AHCYL1: variants seen among roughly 807,000 people sequenced by gnomAD.
AHCYL1 encodes S-adenosylhomocysteine hydrolase-like protein 1.
Under a neutral mutation model 79.3 loss-of-function variants are expected in AHCYL1, and 20 were observed. The ratio of observed to expected loss-of-function variants is 0.25; its 90% CI spans 0.18 to 0.37. The LOEUF (loss-of-function observed/expected upper bound fraction) is 0.37, where lower values mean the gene tolerates loss of function less well. Among genes scored for constraint, AHCYL1 ranks in the 10% least tolerant of loss-of-function variants. The pLI, the probability that AHCYL1 is intolerant of heterozygous loss-of-function variation, is 1.00. For synonymous variants in AHCYL1, 223 were observed against 242.2 expected, an observed-to-expected ratio of 0.92 and a Z score of 0.74; for missense variants, 330 against 673.6, an observed-to-expected ratio of 0.49 and a Z score of 5.65.
chr1:109,998,768 G>A (rs1434259911), intron 1 of AHCYL1, among the ~76,000 whole-genome samples: 2 of 152,180 alleles, frequency 1.3e-5, no homozygotes, highest in African/African-American at 2.4e-5. Context: ...GTGGGCCACC[G>A]AGCCTGGCCA....
At chr1:109,994,552 G>A (rs1351192510) in intron 1 of AHCYL1, among the ~76,000 whole-genome samples, 1 of 152,186 alleles carries the variant, frequency 6.6e-6, no homozygotes, top group African/African-American at 2.4e-5. Flanking sequence ...GCCTCCCAAA[G>A]TGTTGGGATT....
At chr1:109,986,484 ATTAACT>A (rs1267453082) in intron 1 of AHCYL1, among the ~76,000 whole-genome samples, 1 of 152,216 alleles carries the variant, frequency 6.6e-6, no homozygotes, top group African/African-American at 2.4e-5. Flanking sequence ...GAGGCATCTG[ATTAACT>A]TTAGTGCTGA....
intron 16 of AHCYL1, among the ~76,000 whole-genome samples, chr1:110,021,364 C>CTTTGG: frequency 6.6e-6 from 1 of 152,286 alleles, no homozygotes; most frequent in East Asian, 1.9e-4. Context: ...CTAAGAGATT[C>CTTTGG]TGATATATTT....
intron 4 of AHCYL1, among the ~76,000 whole-genome samples, chr1:110,012,668 T>C (rs1651114333): frequency 6.6e-6 from 1 of 152,160 alleles, no homozygotes; most frequent in African/African-American, 2.4e-5. Context: ...AAAGTCTAGA[T>C]TTGCAAACAT....
At chr1:110,013,395 T>A (rs974033691) in intron 5 of AHCYL1, among the ~76,000 whole-genome samples, 1 of 152,230 alleles carries the variant, frequency 6.6e-6, no homozygotes, top group Non-Finnish European at 1.5e-5. Context: ...ATTTGTGAGT[T>A]TAATTAAACG....
In AHCYL1 at chr1:110,017,810, T is replaced by C. The variant is rs567150035; in HGVS notation, c.1053-136T>C. 17 of 971,876 alleles carry C rather than the reference T, an allele frequency of 1.7e-5. No homozygotes were observed. The African/African-American group carries it at 2.8e-4, about 16-fold the overall frequency. 60.2% of individuals were successfully genotyped at this position (971,876 alleles called of 1,614,324 possible). A position where few individuals can be genotyped will look rare whatever the true frequency, so the allele number is the denominator to read the frequency against. On this transcript the variant is annotated intron_variant, in intron 10 of 16. Transcript: ENST00000369799. ...TCTGAAGAGGCCAGTGTATATAGTT[T>C]AGCAGAGCTTATCACTCACCATTCC...
intron 9 of AHCYL1, 56 bp downstream of exon 9, chr1:110,016,786 G>C (rs1651447901): frequency 6.2e-7 from 1 of 1,602,252 alleles, no homozygotes; most frequent in Non-Finnish European, 8.5e-7. Flanking sequence ...AGAAATATTG[G>C]GTAAAGGAGG....
At position 110,021,775 on chromosome 1, in the gene AHCYL1, T is replaced by C; in HGVS notation, c.*95T>C. ...TTATTTTCTTCTTACTCCTTTCCTC[T>C]TGATTTTTTTCCTATAATTTCATTC... On this transcript the variant is annotated 3_prime_UTR_variant, in exon 17 of 17. Coordinates refer to ENST00000369799, the MANE Select transcript of AHCYL1 (RefSeq NM_006621.7). 1 of 1,351,592 alleles carries C rather than the reference T, an allele frequency of 7.4e-7. No individual in the cohort carries two copies. Among genetic ancestry groups the C allele is most frequent in the Non-Finnish European group, 1.0e-6 (1 of 969,592 alleles). 83.7% of individuals were successfully genotyped at this position (1,351,592 alleles called of 1,614,324 possible). A position where few individuals can be genotyped will look rare whatever the true frequency, so the allele number is the denominator to read the frequency against.
In AHCYL1 at chr1:110,009,030, A is replaced by G. The variant is rs1424373448; in HGVS notation, c.121-4A>G. 7 of 1,607,702 alleles carry G rather than the reference A, an allele frequency of 4.4e-6. No homozygotes were observed. The highest frequency in any genetic ancestry group is 5.1e-6 in the Non-Finnish European group (6 of 1,175,102). On this transcript the variant is annotated splice_region_variant and splice_polypyrimidine_tract_variant and intron_variant, in intron 1 of 16. Transcript: ENST00000369799. ...TTTCAACTTTTTGTCTTCCTTTTGT[A>G]TAGCAAATCCAGTTTGCTGATGACA... is the stretch of plus-strand genomic sequence containing the variant.
Position 110,018,109 on chromosome 1 carries a change from C to A in AHCYL1, c.1123+93C>A, listed in dbSNP as rs1272594642. The A allele has an allele frequency of 2.2e-6, 3 of 1,350,244 alleles. No individual in the cohort carries two copies. In the African/African-American group the frequency reaches 4.3e-5, roughly 19 times the overall value. 83.6% of individuals were successfully genotyped at this position (1,350,244 alleles called of 1,614,324 possible). A position where few individuals can be genotyped will look rare whatever the true frequency, so the allele number is the denominator to read the frequency against. ...ATACAAAGGAGGTGAGACCTCTGTT[C>A]AGTATAAAGGTCTCAGAACTAGAAT... On this transcript the variant is annotated intron_variant, in intron 11 of 16. Transcript: ENST00000369799.
intron 1 of AHCYL1, 143 bp from the exon 2 acceptor site, chr1:110,008,891 C>G: frequency 7.0e-6 from 4 of 575,100 alleles, no homozygotes; most frequent in South Asian, 5.9e-5. Context: ...CGGCCTTCCC[C>G]CATTTCTGGT....
chr1:109,994,431 T>C (rs1002946093), intron 1 of AHCYL1, among the ~76,000 whole-genome samples: 2 of 151,746 alleles, frequency 1.3e-5, no homozygotes, highest in Non-Finnish European at 2.9e-5. Context: ...CCTGGCTAAA[T>C]TTTTTTTGGT....
At chr1:109,996,428 C>T (rs183311386) in intron 1 of AHCYL1, among the ~76,000 whole-genome samples, 66 of 152,304 alleles carry the variant, frequency 4.3e-4, no homozygotes, top group Non-Finnish European at 8.2e-4. Flanking sequence ...TAGGGTGCAT[C>T]AGTGAACAAA....
chr1:110,017,768 G>A (rs1242848580), intron 10 of AHCYL1, among the ~76,000 whole-genome samples, 178 bp from the exon 11 acceptor site: 1 of 152,138 alleles, frequency 6.6e-6, no homozygotes, highest in Admixed American at 6.5e-5. Context: ...TTCCTTCCTA[G>A]AGGGAGTCTT....
intron 16 of AHCYL1, 66 bp from the exon 17 acceptor site, chr1:110,021,608 C>G: frequency 6.4e-7 from 1 of 1,553,138 alleles, no homozygotes; most frequent in Non-Finnish European, 8.8e-7. Flanking sequence ...GCTCTGTTTC[C>G]GATTGTTTTT....
At chr1:109,996,813 A>C (rs948453092) in intron 1 of AHCYL1, among the ~76,000 whole-genome samples, 2 of 152,198 alleles carry the variant, frequency 1.3e-5, no homozygotes, top group Non-Finnish European at 2.9e-5. Flanking sequence ...TCCATCATTG[A>C]CCAACCTTCA....
chr1:110,010,134 T>G (rs1344547172), intron 2 of AHCYL1, among the ~76,000 whole-genome samples: 2 of 152,128 alleles, frequency 1.3e-5, no homozygotes, highest in African/African-American at 4.8e-5. Flanking sequence ...TGTGAAAAAT[T>G]GAGTTATGAG....
chr1:110,001,108 G>C (rs937639432), intron 1 of AHCYL1: 7 of 294,804 alleles, frequency 2.4e-5, no homozygotes, highest in African/African-American at 1.6e-4. Flanking sequence ...AACAAAAATG[G>C]TTTGTAAAAT....
chr1:109,988,928 A>G (rs1392451971), intron 1 of AHCYL1, among the ~76,000 whole-genome samples: 1 of 152,232 alleles, frequency 6.6e-6, no homozygotes, highest in African/African-American at 2.4e-5. Context: ...TCCTTTTGTC[A>G]TCAGAGTTAT....
Sources: gnomAD v4.1 joint callset for allele counts (sites outside exome capture counted in the v4.1 genomes callset) on GRCh38, gnomAD v4.1.1 for gene constraint, MANE v1.5 for transcripts, NCBI Gene and HGNC (gene_info 2026-07-23, HGNC 2026-07-21) for gene names.